Variants in SLC34A1 observed in about 807,000 individuals in gnomAD.
SLC34A1 encodes the protein sodium-dependent phosphate transport protein 2A.
Under a neutral mutation model 51.4 loss-of-function variants are expected in SLC34A1, and 57 were observed. The observed-to-expected ratio is 1.11, with a 90% CI of 0.90 to 1.38. SLC34A1 has a LOEUF of 1.38. Ranked by LOEUF, SLC34A1 falls within the 40% of genes most tolerant of loss-of-function variation. SLC34A1 has a pLI of 0.00. For missense variants in SLC34A1, 796 were observed against 835.6 expected, an observed-to-expected ratio of 0.95 and a Z score of 0.58; for synonymous variants, 368 against 358.0, an observed-to-expected ratio of 1.03 and a Z score of -0.32.
At position 177,398,012 on chromosome 5, in the gene SLC34A1, G is replaced by A. The variant is rs1245138824; in HGVS notation, c.1646G>A (p.Gly549Glu). Residue 549 changes from glycine (G) to glutamate (E), a missense_variant, in exon 13 of 13, where the codon GGG becomes GAG. Gly to Glu is a moderately conservative substitution (Grantham distance 98, BLOSUM62 -2). Transcript: ENST00000324417. The surrounding 1 kb of genome is among the most constrained non-coding windows in gnomAD (Gnocchi z 4.7). ...ATGGTAGGTGTGGGCACGCCCTTCG[G>A]GGCCCTGCTGGCCTTCGTGGTGCTC... is the stretch of plus-strand genomic sequence containing the variant. ...QVMVGVGTPF[G>E]ALLAFVVLIN... 1.9e-6 allele frequency: 3 copies of A among 1,613,910 alleles called. No individual in the cohort carries two copies. Among genetic ancestry groups the A allele is most frequent in the East Asian group, 2.2e-5 (1 of 44,866 alleles).
chr5:177,390,530 C>A, intron 8 of SLC34A1: 1 of 263,166 alleles, frequency 3.8e-6, no homozygotes, highest in Non-Finnish European at 5.8e-6. Context: ...CGTTGCCTCT[C>A]TCACTCACCG....
At position 177,398,695 on chromosome 5, in the gene SLC34A1, C is replaced by T. The variant is rs1053515822; in HGVS notation, c.*409C>T. 4 of 231,244 alleles carry T rather than the reference C, an allele frequency of 1.7e-5. No homozygotes were observed. Among genetic ancestry groups the T allele is most frequent in the Non-Finnish European group, 1.7e-5 (2 of 114,644 alleles). 14.3% of individuals were successfully genotyped at this position (231,244 alleles called of 1,614,324 possible). A position where few individuals can be genotyped will look rare whatever the true frequency, so the allele number is the denominator to read the frequency against. ...GTTTGTGCATAGATGTTGGTGCCTGCGTTACTGAATTTGCACACCTCCTTG... is the reference window on the plus strand; with the variant it reads ...GTTTGTGCATAGATGTTGGTGCCTGTGTTACTGAATTTGCACACCTCCTTG... On this transcript the variant is annotated 3_prime_UTR_variant, in exon 13 of 13. Coordinates refer to ENST00000324417, the MANE Select transcript of SLC34A1 (RefSeq NM_003052.5). The surrounding 1 kb of genome is among the most constrained non-coding windows in gnomAD (Gnocchi z 4.7).
rs772788808 is a variant in SLC34A1, at chr5:177,397,861, C to T, written c.1495C>T (p.Arg499Cys). The change falls in exon 13 of 13, where the codon CGC becomes TGC. Residue 499 changes from arginine to cysteine, a missense_variant. Coordinates refer to ENST00000324417, the MANE Select transcript of SLC34A1 (RefSeq NM_003052.5). ...YPVPCTRLPI[R>C]MAKALGKRTA... ...GGTGCCCTGCACACGCCTGCCCATC[C>T]GCATGGCCAAGGCGCTGGGGAAACG... The T allele has an allele frequency of 1.4e-5, 23 of 1,613,750 alleles. No individual in the cohort carries two copies. The highest frequency in any genetic ancestry group is 6.6e-5 in the South Asian group (6 of 91,086).
At chr5:177,384,970 A>C (rs1035970366) in intron 1 of SLC34A1, among the ~76,000 whole-genome samples, 2 of 152,084 alleles carry the variant, frequency 1.3e-5, no homozygotes, top group Non-Finnish European at 2.9e-5. Context: ...GCTGAGGCAG[A>C]TCAGGGCACT....
At chr5:177,385,173 G>A (rs2127345387) in intron 1 of SLC34A1, among the ~76,000 whole-genome samples, 1 of 152,268 alleles carries the variant, frequency 6.6e-6, no homozygotes, top group East Asian at 1.9e-4. Flanking sequence ...GAAGGCAGGT[G>A]TCTGCAGCTC....
Position 177,397,743 on chromosome 5 carries a change from G to A in SLC34A1, c.1417-40G>A, listed in dbSNP as rs201184018. On this transcript the variant is annotated intron_variant, in intron 12 of 12. Coordinates refer to ENST00000324417, the MANE Select transcript of SLC34A1 (RefSeq NM_003052.5). ...TGCTGGCCTGACACAGGACCTGGGA[G>A]CCAGTGCCCATCTCAGCCCCTCTGC... 12 of 1,601,296 alleles carry A rather than the reference G, an allele frequency of 7.5e-6. No homozygotes were observed. In the Admixed American group the frequency reaches 8.3e-5, roughly 11 times the overall value.
Position 177,388,211 on chromosome 5 carries a change from G to A in SLC34A1, c.840+22G>A, listed in dbSNP as rs1316303334. The A allele has an allele frequency of 5.0e-6, 8 of 1,613,906 alleles. No homozygotes were observed. Among genetic ancestry groups the A allele is most frequent in the Non-Finnish European group, 5.9e-6 (7 of 1,179,978 alleles). On this transcript the variant is annotated intron_variant, in intron 7 of 12. Transcript: ENST00000324417. The surrounding 1 kb of genome is among the most constrained non-coding windows in gnomAD (Gnocchi z 4.3). ...CCAGGTGACAGCAGGGCCTGGCATG[G>A]GGTGAGGGTGGGGGTAACAAGGGAC...
At position 177,388,408 on chromosome 5, in the gene SLC34A1, C is replaced by G; in HGVS notation, c.936+36C>G. 6.7e-7 allele frequency: 1 copy of G among 1,501,564 alleles called. No individual in the cohort carries two copies. Among genetic ancestry groups the G allele is most frequent in the Non-Finnish European group, 9.3e-7 (1 of 1,077,882 alleles). 93.0% of individuals were successfully genotyped at this position (1,501,564 alleles called of 1,614,324 possible). On this transcript the variant is annotated intron_variant, in intron 8 of 12. Transcript: ENST00000324417. The surrounding 1 kb of genome is among the most constrained non-coding windows in gnomAD (Gnocchi z 4.3). ...GGCCTAACCCCAGGTAAGAGGACTC[C>G]CTCTTCAGACTCTTGGTTTCATTGT...
At chr5:177,393,580 G>C (rs1762873291) in intron 8 of SLC34A1, 114 bp from the exon 9 acceptor site, 1 of 975,362 alleles carries the variant, frequency 1.0e-6, no homozygotes, top group African/African-American at 1.6e-5. Context: ...CCCATCCATG[G>C]TCACAGAGCA....
At position 177,397,005 on chromosome 5, in the gene SLC34A1, C is replaced by T. The variant is rs763716970; in HGVS notation, c.1347C>T (p.Ile449=). 8.7e-6 allele frequency: 14 copies of T among 1,614,022 alleles called. No homozygotes were observed. Among genetic ancestry groups the T allele is most frequent in the East Asian group, 6.7e-5 (3 of 44,898 alleles). Residue 449 remains isoleucine, a synonymous_variant, in exon 12 of 13, where the codon ATC becomes ATT. Transcript: ENST00000324417. The part of the protein sequence containing the change: ...RAYPLTLGSN[I]GTTTTAILAA... Reference sequence around the variant, plus strand: ...ACCCGCTCACACTGGGTTCCAACATCGGCACCACCACCACGGCCATCCTGG... The same window carrying T: ...ACCCGCTCACACTGGGTTCCAACATTGGCACCACCACCACGGCCATCCTGG...
Position 177,386,557 on chromosome 5 carries a change from T to C in SLC34A1, c.523T>C (p.Ser175Pro). Residue 175 changes from serine (S) to proline (P), a missense_variant, in exon 5 of 13, where the codon TCC becomes CCC. Physicochemically the swap from Ser to Pro is moderately conservative, Grantham distance 74. Transcript: ENST00000324417. The surrounding 1 kb of genome is among the most constrained non-coding windows in gnomAD (Gnocchi z 4.8). ...TSTSIIVSMV[S>P]SGLLEVSSAI... is the part of the protein sequence containing the mutation. ...CACATCCATCATCGTCAGCATGGTC[T>C]CCTCTGGCTGTGAGTTGGCCCACCA... 6.2e-7 allele frequency: 1 copy of C among 1,614,070 alleles called. No individual in the cohort carries two copies. Among genetic ancestry groups the C allele is most frequent in the Non-Finnish European group, 8.5e-7 (1 of 1,179,996 alleles).
chr5:177,390,048 G>C, intron 8 of SLC34A1: 1 of 1,221,300 alleles, frequency 8.2e-7, no homozygotes, highest in South Asian at 2.1e-5. Context: ...GGATGTGCTT[G>C]GTCTTGCAAA....
intron 8 of SLC34A1, chr5:177,390,309 A>C (rs534986923): frequency 4.0e-4 from 392 of 987,208 alleles, no homozygotes; most frequent in Non-Finnish European, 4.6e-4. Flanking sequence ...CCGTCCTGGG[A>C]ATCACCTTCT....
At position 177,397,808 on chromosome 5, in the gene SLC34A1, A is replaced by G; in HGVS notation, c.1442A>G (p.Asn481Ser). Residue 481 changes from asparagine (N) to serine (S), a missense_variant, in exon 13 of 13, where the codon AAC becomes AGC. Transcript: ENST00000324417. The stretch of plus-strand genomic sequence containing the variant: ...ATTGCCCTCTGTCACTTCTTCTTCA[A>G]CATCTCGGGTATCCTTCTGTGGTAC... Reference protein sequence around the residue: ...FQIALCHFFFNISGILLWYPV... With the variant: ...FQIALCHFFFSISGILLWYPV... The G allele has an allele frequency of 6.2e-7, 1 of 1,612,050 alleles. No individual in the cohort carries two copies. The highest frequency in any genetic ancestry group is 1.1e-5 in the South Asian group (1 of 91,072).
At chr5:177,394,277 G>A in intron 10 of SLC34A1, 82 bp downstream of exon 10, 2 of 1,432,774 alleles carry the variant, frequency 1.4e-6, no homozygotes, top group Non-Finnish European at 2.0e-6. Flanking sequence ...GCCTTGATCT[G>A]GGTAAACCCT....
At chr5:177,387,636 A>G (rs1360146057) in intron 5 of SLC34A1, 126 bp from the exon 6 acceptor site, 9 of 811,558 alleles carry the variant, frequency 1.1e-5, no homozygotes, top group Non-Finnish European at 1.9e-5. Flanking sequence ...AACGTTAGGC[A>G]GACTCAGCAG....
chr5:177,387,496 C>T (rs1762628073), intron 5 of SLC34A1, among the ~76,000 whole-genome samples: 1 of 152,250 alleles, frequency 6.6e-6, no homozygotes. Context: ...CACGAGCCCT[C>T]ATAACGAAGG....
At chr5:177,387,523 G>A (rs1014549964) in intron 5 of SLC34A1, among the ~76,000 whole-genome samples, 4 of 152,214 alleles carry the variant, frequency 2.6e-5, no homozygotes, top group South Asian at 2.1e-4. Flanking sequence ...ACGCACACAC[G>A]TTCACATCCA....
chr5:177,392,849 G>A (rs1007245376), intron 8 of SLC34A1, among the ~76,000 whole-genome samples: 7 of 152,214 alleles, frequency 4.6e-5, no homozygotes, highest in African/African-American at 7.2e-5. Context: ...TCCTGGCCTC[G>A]AGTAATCCTC....
Sources: allele counts gnomAD v4.1 joint callset (sites outside exome capture counted in the v4.1 genomes callset), GRCh38; gene constraint gnomAD v4.1.1; non-coding constraint Gnocchi (gnomAD v3.1); transcripts MANE v1.5; gene names NCBI Gene and HGNC (gene_info 2026-07-23, HGNC 2026-07-21).